Variants in CUX1 observed in about 807,000 individuals in gnomAD.
CUX1 encodes protein CASP.
Under a neutral mutation model 158.8 loss-of-function variants are expected in CUX1, and 31 were observed. The ratio of observed to expected loss-of-function variants is 0.20; its 90% CI spans 0.15 to 0.26. The LOEUF is 0.26. Among genes scored for constraint, CUX1 ranks in the 10% least tolerant of loss-of-function variants. The pLI is 1.00. For synonymous variants in CUX1, 879 were observed against 862.1 expected, an observed-to-expected ratio of 1.02 and a Z score of -0.34; for missense variants, 1,589 against 2,014.6, an observed-to-expected ratio of 0.79 and a Z score of 4.04.
rs543772580 is a variant in CUX1, at chr7:102,112,521, G to A, written c.607+747G>A. Among the ~76,000 whole-genome samples, 9 of 151,930 alleles carry A rather than the reference G, an allele frequency of 5.9e-5. No individual in the cohort carries two copies. The East Asian group carries it at 9.7e-4, about 16-fold the overall frequency. ...CTCCCAAAGTGCTGGGATTACAGGC[G>A]TGAGCCACCGCGCCCAGCCCTCTCT... On this transcript the variant is annotated intron_variant, in intron 7 of 23. Coordinates refer to ENST00000292535, the MANE Select transcript of CUX1 (RefSeq NM_181552.4).
intron 5 of CUX1, among the ~76,000 whole-genome samples, chr7:102,101,731 G>A (rs1185131234): frequency 6.6e-6 from 1 of 152,084 alleles, no homozygotes; most frequent in Non-Finnish European, 1.5e-5. Context: ...CCAACATGGT[G>A]AAACCCCGTC....
chr7:101,816,502 A>AGCGGGGAGCGGGCGGCGGGGGGCGG (rs1791806280), upstream of CUX1, among the ~76,000 whole-genome samples: 2 of 131,652 alleles, frequency 1.5e-5, no homozygotes, highest in Non-Finnish European at 3.3e-5. Flanking sequence ...GCGAGCGGGG[A>AGCGGGGAGCGGGCGGCGGGGGGCGG]GCGGGGAGCG....
chr7:102,231,576 A>AT (rs1197645149), intron 21 of CUX1, among the ~76,000 whole-genome samples: 18 of 151,526 alleles, frequency 1.2e-4, no homozygotes, highest in South Asian at 2.1e-4. Context: ...TAATCATCTG[A>AT]TTTTTTTTTC....
chr7:102,270,994 A>T (rs1791175434), intron 14 of CUX1, among the ~76,000 whole-genome samples: 1 of 152,112 alleles, frequency 6.6e-6, no homozygotes, highest in Non-Finnish European at 1.5e-5. Flanking sequence ...AGTTGCTGCC[A>T]CCCCAGGGAC....
intron 12 of CUX1, among the ~76,000 whole-genome samples, chr7:102,191,992 C>T (rs1232691603): frequency 6.6e-6 from 1 of 152,254 alleles, no homozygotes; most frequent in Non-Finnish European, 1.5e-5. Context: ...CTAACTCTTT[C>T]TGTTGCGTCC....
chr7:101,903,651 G>A (rs111381388), intron 1 of CUX1, among the ~76,000 whole-genome samples: 25 of 152,214 alleles, frequency 1.6e-4, no homozygotes, highest in African/African-American at 5.3e-4. Flanking sequence ...CCACAGAGCC[G>A]GCCACGTGGC....
chr7:102,068,779 G>T (rs947982990), intron 3 of CUX1, among the ~76,000 whole-genome samples: 1 of 152,218 alleles, frequency 6.6e-6, no homozygotes, highest in African/African-American at 2.4e-5. Context: ...GCCTGAGCCA[G>T]TATGACATTG....
In CUX1 at chr7:101,891,563, A is replaced by G. The variant is rs576279148; in HGVS notation, c.31-24552A>G. Among the ~76,000 whole-genome samples, 50 of 152,310 alleles carry G rather than the reference A, an allele frequency of 3.3e-4. No individual in the cohort carries two copies. In the South Asian group the frequency reaches 4.1e-3, roughly 13 times the overall value. ...TTGACTCACTTAATGATCGGGGTTT[A>G]CTTCTGACCTGCATGGGGTGCTGTG... On this transcript the variant is annotated intron_variant, in intron 1 of 23. Transcript: ENST00000292535.
intron 20 of CUX1, among the ~76,000 whole-genome samples, chr7:102,221,690 CT>C (rs1797817119): frequency 6.8e-6 from 1 of 146,900 alleles, no homozygotes; most frequent in Non-Finnish European, 1.5e-5. Flanking sequence ...TCTCTGCTTT[CT>C]GTAGCTTGCT....
At chr7:102,208,256 GTC>G (rs1430809134) in intron 20 of CUX1, among the ~76,000 whole-genome samples, 147 of 146,774 alleles carry the variant, frequency 1.0e-3, no homozygotes, top group African/African-American at 3.6e-3. Flanking sequence ...GTGTGTGTGT[GTC>G]TGTGTGATGG....
chr7:101,965,861 A>AAG (rs1396164014), intron 2 of CUX1, among the ~76,000 whole-genome samples: 30 of 150,678 alleles, frequency 2.0e-4, no homozygotes, highest in Non-Finnish European at 3.7e-4. Context: ...AAAAAAAAAA[A>AAG]AAAAAAAAAA....
At chr7:102,004,557 A>G (rs1162049875) in intron 2 of CUX1, among the ~76,000 whole-genome samples, 1 of 152,170 alleles carries the variant, frequency 6.6e-6, no homozygotes, top group Admixed American at 6.5e-5. Context: ...TCTAAGAAAT[A>G]TATTCCTATC....
At chr7:102,160,211 ACCT>A (rs1790284644) in intron 9 of CUX1, among the ~76,000 whole-genome samples, 7 of 150,986 alleles carry the variant, frequency 4.6e-5, no homozygotes, top group Admixed American at 4.0e-4. Flanking sequence ...GGAAGGAGTT[ACCT>A]TCATCATAGA....
intron 2 of CUX1, among the ~76,000 whole-genome samples, chr7:102,018,751 C>T (rs938826194): frequency 2.9e-5 from 4 of 139,118 alleles, no homozygotes; most frequent in East Asian, 1.9e-4. Context: ...TGCGTGCGTG[C>T]GTGCGCTGTA....
chr7:102,232,107 C>T (rs1379573563), intron 21 of CUX1, among the ~76,000 whole-genome samples: 1 of 151,044 alleles, frequency 6.6e-6, no homozygotes, highest in African/African-American at 2.4e-5. Context: ...CACAGGTTTA[C>T]AAAATCAGTA....
chr7:102,234,607 T>A (rs1475397135), intron 22 of CUX1, among the ~76,000 whole-genome samples: 1 of 152,036 alleles, frequency 6.6e-6, no homozygotes, highest in Non-Finnish European at 1.5e-5. Flanking sequence ...TCCTTTGTTA[T>A]CAGAGAGAGA....
intron 16 of CUX1, among the ~76,000 whole-genome samples, chr7:102,274,721 A>G (rs565186005): frequency 1.7e-4 from 26 of 152,338 alleles, no homozygotes; most frequent in African/African-American, 4.8e-4. Context: ...TGGCCTGTGA[A>G]AGGCTGGTGA....
intron 2 of CUX1, among the ~76,000 whole-genome samples, chr7:101,925,410 CA>C (rs1223860402): frequency 6.6e-6 from 1 of 152,096 alleles, no homozygotes; most frequent in Non-Finnish European, 1.5e-5. Context: ...AGTGCCTGGC[CA>C]AAAGTAGATT....
intron 13 of CUX1, 48 bp downstream of exon 13, chr7:102,193,938 G>A (rs1554517639): frequency 1.5e-5 from 23 of 1,569,798 alleles, no homozygotes; most frequent in Non-Finnish European, 2.0e-5. Context: ...CCCCGCTGCT[G>A]GTTACCACTG....
Sources: gnomAD v4.1 joint callset for allele counts (sites outside exome capture counted in the v4.1 genomes callset) on GRCh38, gnomAD v4.1.1 for gene constraint, MANE v1.5 for transcripts, NCBI Gene and HGNC (gene_info 2026-07-23, HGNC 2026-07-21) for gene names.